Variants in GRIP2 observed in about 807,000 individuals in gnomAD.
GRIP2 encodes the protein glutamate receptor interacting protein 2, also known as glutamate receptor-interacting protein 2.
A neutral mutation model predicts 108.3 loss-of-function variants in GRIP2; 58 were observed. The ratio of observed to expected loss-of-function variants is 0.54; its 90% CI spans 0.43 to 0.67. GRIP2 has a LOEUF of 0.67. Ranked by LOEUF, GRIP2 falls within the 30% of genes least tolerant of loss-of-function variation. GRIP2 has a pLI of 0.00. For missense variants in GRIP2, 1,278 were observed against 1,430.6 expected, an observed-to-expected ratio of 0.89 and a Z score of 1.72; for synonymous variants, 586 against 598.2, an observed-to-expected ratio of 0.98 and a Z score of 0.30.
At chr3:14,600,499 G>A in the GRIP2 span, among the ~76,000 whole-genome samples, 5 of 152,208 alleles carry the variant, frequency 3.3e-5, no homozygotes, top group African/African-American at 1.2e-4. Flanking sequence ...CCTCTTTGTT[G>A]AGGCCTTAAA....
At position 14,511,321 on chromosome 3, in the gene GRIP2, C is replaced by T. The variant is rs535316968; in HGVS notation, c.1788-11G>A. ...TCCAGGGTGCCCGTCCTGCATGAGT[C>T]GGGGGCAGAGGGGATGGAAGGAGCC... On this transcript the variant is annotated splice_polypyrimidine_tract_variant and intron_variant, in intron 15 of 23. Coordinates refer to ENST00000621039, the MANE Select transcript of GRIP2 (RefSeq NM_001080423.4). This position sits in a 1 kb window ranked among gnomAD's most constrained non-coding sequence, Gnocchi z 4.1. 30 of 1,613,826 alleles carry T rather than the reference C, an allele frequency of 1.9e-5. No individual in the cohort carries two copies. The highest frequency in any genetic ancestry group is 9.3e-5 in the African/African-American group (7 of 74,926).
the GRIP2 span, among the ~76,000 whole-genome samples, chr3:14,598,485 A>T: frequency 9.4e-4 from 123 of 130,654 alleles, no homozygotes; most frequent in Non-Finnish European, 1.9e-3. Context: ...TTGGTTAACT[A>T]CGTTGACAGC....
chr3:14,526,121 C>T, intron 1 of GRIP2, 190 bp from the exon 2 acceptor site: 1 of 621,196 alleles, frequency 1.6e-6, no homozygotes, highest in Admixed American at 2.7e-5. Context: ...CTGGCCCCTG[C>T]TCTTGGGGCT....
chr3:14,529,520 G>GT (rs1425465213), intron 1 of GRIP2, among the ~76,000 whole-genome samples: 1 of 152,042 alleles, frequency 6.6e-6, no homozygotes, highest in Non-Finnish European at 1.5e-5. Context: ...ACCTTACAAA[G>GT]TAATACCATA....
Position 14,535,311 on chromosome 3 carries a change from G to A in GRIP2, c.40+4958C>T, listed in dbSNP as rs141272648. Among the ~76,000 whole-genome samples the A allele has an allele frequency of 3.1e-3, 471 of 152,268 alleles. 4 individuals are homozygous for A. The highest frequency in any genetic ancestry group is 9.7e-3 in the African/African-American group (403 of 41,548). On this transcript the variant is annotated intron_variant, in intron 1 of 23. Transcript: ENST00000621039. The stretch of plus-strand genomic sequence containing the variant: ...GCTGCCAACTGGCTAAGGGATCTGG[G>A]ACAAGTCACTTCTCTCTGAGCCTCA...
intron 1 of GRIP2, among the ~76,000 whole-genome samples, chr3:14,553,106 C>CT (rs35902290): frequency 5.4e-4 from 71 of 131,452 alleles, no homozygotes; most frequent in East Asian, 1.5e-3. Context: ...ATTTTCTTTC[C>CT]TTTTTTTTTT....
At chr3:14,544,325 C>T (rs1326040547), upstream of GRIP2, among the ~76,000 whole-genome samples, 1 of 152,206 alleles carries the variant, frequency 6.6e-6, no homozygotes. Flanking sequence ...TGCGGGGCTG[C>T]TCTCACACTG....
intron 1 of GRIP2, among the ~76,000 whole-genome samples, chr3:14,555,381 G>T (rs1217839247): frequency 3.6e-5 from 5 of 137,226 alleles, no homozygotes; most frequent in African/African-American, 1.3e-4. Context: ...GCCCTGGGAA[G>T]GGGTGGGGGC....
chr3:14,532,206 G>GA (rs1405990012), intron 1 of GRIP2, among the ~76,000 whole-genome samples: 2 of 152,366 alleles, frequency 1.3e-5, no homozygotes, highest in Non-Finnish European at 2.9e-5. Context: ...GCGGCAGCGG[G>GA]AGAAAAGACG....
chr3:14,524,231 G>A, intron 4 of GRIP2, 162 bp downstream of exon 4: 1 of 732,026 alleles, frequency 1.4e-6, no homozygotes, highest in South Asian at 1.9e-5. Context: ...TACTGCGGTT[G>A]TAGGCACAGC....
chr3:14,580,723 A>T, the GRIP2 span, among the ~76,000 whole-genome samples: 1 of 152,150 alleles, frequency 6.6e-6, no homozygotes, highest in South Asian at 2.1e-4. Context: ...AAACAAACAA[A>T]AAACCCAAAA....
intron 1 of GRIP2, among the ~76,000 whole-genome samples, chr3:14,549,752 GATC>G (rs1041595915): frequency 2.6e-5 from 4 of 152,162 alleles, no homozygotes; most frequent in Non-Finnish European, 5.9e-5. Flanking sequence ...ATGAGGCTGG[GATC>G]ATCAATCGTT....
At chr3:14,565,543 C>A in the GRIP2 span, among the ~76,000 whole-genome samples, 7 of 152,296 alleles carry the variant, frequency 4.6e-5, no homozygotes, top group East Asian at 1.4e-3. Flanking sequence ...TCTCTCCCTA[C>A]CTCCCCAACA....
chr3:14,499,314 G>A (rs1183498125), intron 21 of GRIP2, among the ~76,000 whole-genome samples: 1 of 152,192 alleles, frequency 6.6e-6, no homozygotes, highest in East Asian at 1.9e-4. Context: ...CCTGGGAAGG[G>A]ACCACAGCTG....
chr3:14,585,127 C>T, the GRIP2 span, among the ~76,000 whole-genome samples: 3 of 152,056 alleles, frequency 2.0e-5, no homozygotes, highest in East Asian at 1.9e-4. Context: ...CGGGTTCAAA[C>T]GATTCTCCTG....
intron 11 of GRIP2, 22 bp downstream of exon 11, chr3:14,517,042 G>A (rs760120744): frequency 2.7e-6 from 4 of 1,504,954 alleles, no homozygotes; most frequent in Non-Finnish European, 2.7e-6. Flanking sequence ...GCCCAAGGAG[G>A]AGGGAAGAGA....
chr3:14,532,477 T>C (rs1211804887), intron 1 of GRIP2, among the ~76,000 whole-genome samples: 2 of 152,174 alleles, frequency 1.3e-5, no homozygotes, highest in Non-Finnish European at 2.9e-5. Context: ...TCTTCTGCAT[T>C]GTAGGAAGCT....
chr3:14,539,275 C>G (rs151113901), intron 1 of GRIP2, among the ~76,000 whole-genome samples: 1 of 152,138 alleles, frequency 6.6e-6, no homozygotes, highest in Non-Finnish European at 1.5e-5. Context: ...AGGAAGCTCT[C>G]GACAACAGCC....
rs1234167464 is a variant in GRIP2, at chr3:14,505,338, C to T, written c.2573+277G>A. 2.0e-5 allele frequency among the ~76,000 whole-genome samples: 3 copies of T among 152,150 alleles called. 1 individual carries two copies. In the South Asian group the frequency reaches 6.2e-4, roughly 32 times the overall value. ...GGGTTCAAGTTCTGAGTCTGCTGCT[C>T]TTCTGAGAACAGGAGATGACCAAAG... On this transcript the variant is annotated intron_variant, in intron 20 of 23. Coordinates refer to ENST00000621039, the MANE Select transcript of GRIP2 (RefSeq NM_001080423.4). This position sits in a 1 kb window ranked among gnomAD's most constrained non-coding sequence, Gnocchi z 4.2.
Sources: gnomAD v4.1 joint callset for allele counts (sites outside exome capture counted in the v4.1 genomes callset) on GRCh38, gnomAD v4.1.1 for gene constraint, Gnocchi (gnomAD v3.1) non-coding constraint, MANE v1.5 for transcripts, NCBI Gene and HGNC (gene_info 2026-07-23, HGNC 2026-07-21) for gene names.